Variants in SNTB1 observed in about 807,000 individuals in gnomAD.
The protein encoded by SNTB1 is beta-1-syntrophin.
A neutral mutation model predicts 48.9 loss-of-function variants in SNTB1; 36 were observed. That is an observed-to-expected ratio of 0.74 (90% CI 0.56 to 0.97). The LOEUF is 0.97. Among genes scored for constraint, SNTB1 ranks in the 50% least tolerant of loss-of-function variants. SNTB1 has a pLI of 0.00. For synonymous variants in SNTB1, 299 were observed against 294.6 expected (o/e 1.01, Z -0.15); for missense variants, 786 against 703.4 (o/e 1.12, Z -1.33).
intron 3 of SNTB1, among the ~76,000 whole-genome samples, chr8:120,621,800 T>A (rs1816796740): frequency 3.3e-5 from 5 of 152,072 alleles, no homozygotes; most frequent in Admixed American, 3.3e-4. Flanking sequence ...CACTCTTTCA[T>A]TCTCTTTCTC....
intron 3 of SNTB1, among the ~76,000 whole-genome samples, chr8:120,582,893 T>A (rs1816072844): frequency 1.3e-5 from 2 of 152,054 alleles, no homozygotes; most frequent in African/African-American, 4.8e-5. Flanking sequence ...AACCTGTTCA[T>A]AGCATGTTCT....
rs2130204856 is a variant in SNTB1, at chr8:120,811,979, G to A, written c.-136C>T. ...GGGAGGTGGCGGCACGCGGGACTCCGCTCCGGGAGTTCGCAGACGCACTCG... is the reference window on the plus strand; with the variant it reads ...GGGAGGTGGCGGCACGCGGGACTCCACTCCGGGAGTTCGCAGACGCACTCG... On this transcript the variant is annotated 5_prime_UTR_variant, in exon 1 of 7. Coordinates refer to ENST00000517992, the MANE Select transcript of SNTB1 (RefSeq NM_021021.4). 1 of 1,271,374 alleles carries A rather than the reference G, an allele frequency of 7.9e-7. No homozygotes were observed. Among genetic ancestry groups the A allele is most frequent in the Non-Finnish European group, 9.9e-7 (1 of 1,014,178 alleles). The allele number at this position is 1,271,374 out of a possible 1,614,324, so 78.8% of individuals were successfully genotyped here.
intron 1 of SNTB1, among the ~76,000 whole-genome samples, chr8:120,738,423 T>C (rs1190360007): frequency 1.3e-5 from 2 of 152,212 alleles, no homozygotes; most frequent in African/African-American, 4.8e-5. Flanking sequence ...CTGCAGGTGA[T>C]CGAAGACCTT....
chr8:120,789,830 T>G (rs1819993931), intron 1 of SNTB1, among the ~76,000 whole-genome samples: 1 of 151,824 alleles, frequency 6.6e-6, no homozygotes, highest in South Asian at 2.1e-4. Flanking sequence ...TGGTACCAAT[T>G]ATAATGAAAC....
intron 3 of SNTB1, among the ~76,000 whole-genome samples, chr8:120,607,414 A>T (rs992559040): frequency 4.9e-5 from 6 of 123,060 alleles, no homozygotes; most frequent in East Asian, 1.9e-4. Flanking sequence ...GGCTTTTTTT[A>T]AAAAAGTATA....
chr8:120,699,937 A>C (rs572711936), intron 1 of SNTB1, among the ~76,000 whole-genome samples: 244 of 152,352 alleles, frequency 1.6e-3, no homozygotes, highest in African/African-American at 5.7e-3. Flanking sequence ...CAATTAAAAA[A>C]ACATGACTAT....
At chr8:120,572,908 T>A (rs1815882499) in intron 4 of SNTB1, among the ~76,000 whole-genome samples, 1 of 152,132 alleles carries the variant, frequency 6.6e-6, no homozygotes, top group South Asian at 2.1e-4. Flanking sequence ...AGAGTGAAAC[T>A]CTGTCTCAAA....
chr8:120,596,118 G>C (rs1029909421), intron 3 of SNTB1, among the ~76,000 whole-genome samples: 1 of 152,104 alleles, frequency 6.6e-6, no homozygotes, highest in Non-Finnish European at 1.5e-5. Context: ...CAGGGGTAGG[G>C]GATAAAGCAG....
chr8:120,689,374 T>C (rs1818088113), intron 2 of SNTB1, among the ~76,000 whole-genome samples: 1 of 152,164 alleles, frequency 6.6e-6, no homozygotes, highest in Admixed American at 6.5e-5. Context: ...AGAGGCAGTG[T>C]GTGTGATGAT....
intron 2 of SNTB1, among the ~76,000 whole-genome samples, chr8:120,646,675 C>G (rs1587059963): frequency 6.6e-6 from 1 of 151,660 alleles, no homozygotes; most frequent in East Asian, 1.9e-4. Context: ...TGATGCTGGC[C>G]TCATAAAATG....
chr8:120,791,839 A>T (rs1249123479), intron 1 of SNTB1, among the ~76,000 whole-genome samples: 1 of 151,976 alleles, frequency 6.6e-6, no homozygotes, highest in Non-Finnish European at 1.5e-5. Flanking sequence ...AAAATGGAAC[A>T]CTTATACACT....
At chr8:120,598,050 C>T (rs1257876733) in intron 3 of SNTB1, among the ~76,000 whole-genome samples, 2 of 152,166 alleles carry the variant, frequency 1.3e-5, no homozygotes, top group Non-Finnish European at 2.9e-5. Flanking sequence ...TGGGAAGATG[C>T]TTTGCTGGCG....
chr8:120,672,553 T>TGC (rs1563847907), intron 2 of SNTB1, among the ~76,000 whole-genome samples: 3 of 151,970 alleles, frequency 2.0e-5, no homozygotes, highest in African/African-American at 7.3e-5. Context: ...ACAGAGCTCC[T>TGC]GAAAGACACC....
Position 120,541,964 on chromosome 8 carries a change from A to G in SNTB1, c.1370T>C (p.Ile457Thr). ...AATAGAAAATCCATTCTCATAATGT[A>G]TGGTCAAACGGCACTCCTGGTTTTT... is the stretch of plus-strand genomic sequence containing the variant. ...TYKNQECRLT[I>T]HYENGFSITT... is the part of the protein sequence containing the mutation. The change falls in exon 6 of 7, where the codon ATA becomes ACA. Residue 457 changes from isoleucine (I) to threonine (T), a missense_variant. Transcript: ENST00000517992. 2 of 1,613,942 alleles carry G rather than the reference A, an allele frequency of 1.2e-6. No individual in the cohort carries two copies. The highest frequency in any genetic ancestry group is 1.7e-6 in the Non-Finnish European group (2 of 1,179,944).
At chr8:120,708,006 C>A (rs1381126309) in intron 1 of SNTB1, among the ~76,000 whole-genome samples, 2 of 150,880 alleles carry the variant, frequency 1.3e-5, no homozygotes, top group African/African-American at 4.9e-5. Flanking sequence ...ATAGGAAATC[C>A]TAAAAAAACA....
At chr8:120,579,691 AAAACAAAC>A (rs145594222) in intron 3 of SNTB1, among the ~76,000 whole-genome samples, 30,704 of 151,870 alleles carry the variant, frequency 0.2, 3,173 homozygotes, top group Middle Eastern at 0.3. Flanking sequence ...AAAAGAAAAG[AAAACAAAC>A]AAACAAACAA....
At chr8:120,752,063 A>G (rs545616552) in intron 1 of SNTB1, among the ~76,000 whole-genome samples, 5 of 152,256 alleles carry the variant, frequency 3.3e-5, no homozygotes, top group South Asian at 2.1e-4. Flanking sequence ...GGTTTGTCTC[A>G]TTAAAAATGA....
intron 1 of SNTB1, among the ~76,000 whole-genome samples, chr8:120,797,550 T>C (rs1025311394): frequency 7.7e-6 from 1 of 129,946 alleles, no homozygotes; most frequent in African/African-American, 3.2e-5. Flanking sequence ...GTTTCTCTTT[T>C]TTTTTTTTTT....
At chr8:120,705,738 T>C (rs1818368708) in intron 1 of SNTB1, among the ~76,000 whole-genome samples, 1 of 152,236 alleles carries the variant, frequency 6.6e-6, no homozygotes, top group South Asian at 2.1e-4. Context: ...GATTCACAGA[T>C]ACATTACCAA....
Sources: allele counts gnomAD v4.1 joint callset (sites outside exome capture counted in the v4.1 genomes callset), GRCh38; gene constraint gnomAD v4.1.1; transcripts MANE v1.5; gene names NCBI Gene and HGNC (gene_info 2026-07-23, HGNC 2026-07-21).